NFATC2: variants seen among roughly 807,000 people sequenced by gnomAD.
The protein encoded by NFATC2 is nuclear factor of activated T-cells, cytoplasmic 2.
A neutral mutation model predicts 87.3 loss-of-function variants in NFATC2; 22 were observed. The ratio of observed to expected loss-of-function variants is 0.25; its 90% CI spans 0.18 to 0.36. The LOEUF is 0.36. Among genes scored for constraint, NFATC2 ranks in the 10% least tolerant of loss-of-function variants. The pLI is 1.00. For synonymous variants in NFATC2, 565 were observed against 542.2 expected (o/e 1.04, Z -0.58); for missense variants, 1,149 against 1,259.1 (o/e 0.91, Z 1.32).
At position 51,395,103 on chromosome 20, in the gene NFATC2, TTC is replaced by T. The variant is rs545862037; in HGVS notation, c.*44+3538_*44+3539del. The stretch of plus-strand genomic sequence containing the variant: ...CTGATCTGTTACTTGTTTGGAGTCT[TTC>T]TCTCTATGAAAGAATACGAGCCATT... On this transcript the variant is annotated intron_variant, in intron 10 of 10. Transcript: ENST00000371564. Among the ~76,000 whole-genome samples, 80 of 152,334 alleles carry T rather than the reference TTC, an allele frequency of 5.3e-4. 1 individual carries two copies. The highest frequency in any genetic ancestry group is 1.1e-3 in the Admixed American group (17 of 15,304).
intron 9 of NFATC2, among the ~76,000 whole-genome samples, chr20:51,413,782 T>A (rs1376790570): frequency 6.6e-6 from 1 of 152,148 alleles, no homozygotes; most frequent in African/African-American, 2.4e-5. Context: ...ATAAAAATTT[T>A]AAAATTAAAA....
chr20:51,435,144 T>A, intron 8 of NFATC2, 44 bp downstream of exon 8: 3 of 1,610,320 alleles, frequency 1.9e-6, no homozygotes, highest in Non-Finnish European at 2.5e-6. Context: ...CCTGTGCCTG[T>A]ACTGCCTCTC....
chr20:51,423,732 C>T (rs1981327392), intron 9 of NFATC2, among the ~76,000 whole-genome samples: 1 of 152,200 alleles, frequency 6.6e-6, no homozygotes, highest in African/African-American at 2.4e-5. Context: ...CTGGATGCTG[C>T]CTCTCACTTG....
At chr20:51,431,619 C>G (rs182135560) in intron 9 of NFATC2, among the ~76,000 whole-genome samples, 2 of 152,272 alleles carry the variant, frequency 1.3e-5, no homozygotes, top group Admixed American at 6.5e-5. Context: ...TCCTTTTCCT[C>G]CCTCTCCCTC....
At chr20:51,494,362 G>C (rs940299740) in intron 3 of NFATC2, among the ~76,000 whole-genome samples, 3 of 152,018 alleles carry the variant, frequency 2.0e-5, no homozygotes, top group Admixed American at 1.3e-4. Flanking sequence ...TGCTACACCT[G>C]CTCCTCCTAT....
intron 1 of NFATC2, among the ~76,000 whole-genome samples, chr20:51,527,972 C>T (rs1292304282): frequency 6.6e-6 from 1 of 151,292 alleles, no homozygotes; most frequent in Non-Finnish European, 1.5e-5. Flanking sequence ...GGCATGGTGG[C>T]ACCTACCTGT....
At chr20:51,394,358 G>A (rs934588460) in intron 10 of NFATC2, among the ~76,000 whole-genome samples, 2 of 152,032 alleles carry the variant, frequency 1.3e-5, no homozygotes, top group African/African-American at 4.8e-5. Context: ...CTTTCACCAT[G>A]CCATTTCTCC....
At chr20:51,548,702 C>T (rs866790536) in intron 1 of NFATC2, among the ~76,000 whole-genome samples, 3 of 152,130 alleles carry the variant, frequency 2.0e-5, no homozygotes, top group African/African-American at 4.8e-5. Flanking sequence ...AGACTGGTAC[C>T]CAGTACATGG....
At chr20:51,413,384 G>T (rs1177059726) in intron 9 of NFATC2, among the ~76,000 whole-genome samples, 1 of 152,068 alleles carries the variant, frequency 6.6e-6, no homozygotes, top group Non-Finnish European at 1.5e-5. Context: ...TTTATTCACT[G>T]GCAAATCTTG....
intron 9 of NFATC2, among the ~76,000 whole-genome samples, chr20:51,414,424 C>A (rs1979734386): frequency 6.6e-6 from 1 of 152,170 alleles, no homozygotes; most frequent in Admixed American, 6.5e-5. Flanking sequence ...CATGGTGGCT[C>A]ACGCCTGTAA....
At chr20:51,469,512 C>T (rs534423741) in intron 5 of NFATC2, among the ~76,000 whole-genome samples, 60 of 152,204 alleles carry the variant, frequency 3.9e-4, no homozygotes, top group African/African-American at 1.3e-3. Flanking sequence ...ACACATAGTA[C>T]CCCCTACCCG....
intron 5 of NFATC2, among the ~76,000 whole-genome samples, chr20:51,466,178 G>A (rs191910864): frequency 1.3e-5 from 2 of 152,284 alleles, no homozygotes; most frequent in Admixed American, 1.3e-4. Context: ...TCAGCCTCCA[G>A]AGTAGCTGGG....
intron 6 of NFATC2, among the ~76,000 whole-genome samples, chr20:51,439,676 C>T (rs1178357409): frequency 6.6e-6 from 1 of 152,208 alleles, no homozygotes; most frequent in African/African-American, 2.4e-5. Flanking sequence ...CTGACTGGAA[C>T]CCTGAGCCTT....
chr20:51,508,302 T>TC (rs2076217472), intron 3 of NFATC2, among the ~76,000 whole-genome samples: 1 of 151,812 alleles, frequency 6.6e-6, no homozygotes, highest in Non-Finnish European at 1.5e-5. Flanking sequence ...TGGCGCACCC[T>TC]CCCCCTCTCT....
chr20:51,544,373 C>T (rs1187556416), upstream of NFATC2, among the ~76,000 whole-genome samples: 1 of 152,110 alleles, frequency 6.6e-6, no homozygotes, highest in Non-Finnish European at 1.5e-5. Context: ...TTAAGATCCT[C>T]GTGAGAACCA....
At chr20:51,471,035 T>C (rs1480681972) in intron 5 of NFATC2, among the ~76,000 whole-genome samples, 1 of 152,200 alleles carries the variant, frequency 6.6e-6, no homozygotes, top group African/African-American at 2.4e-5. Context: ...TCAGTTTCCT[T>C]CTCTGTCAAA....
chr20:51,442,411 G>A (rs560896378), intron 6 of NFATC2, among the ~76,000 whole-genome samples: 43 of 152,210 alleles, frequency 2.8e-4, no homozygotes, highest in East Asian at 5.8e-4. Context: ...CAGCCTGGGC[G>A]ACAAAGTGAG....
At chr20:51,393,240 C>T (rs1213321582) in intron 10 of NFATC2, among the ~76,000 whole-genome samples, 15 of 133,808 alleles carry the variant, frequency 1.1e-4, no homozygotes, top group Non-Finnish European at 1.6e-5. Flanking sequence ...CACTTCCTTG[C>T]TTGGTGAACC....
rs2146190997 is a variant in NFATC2 at position 51,390,079 on chromosome 20, G to C, written c.*1417C>G. On this transcript the variant is annotated 3_prime_UTR_variant, in exon 11 of 11. Transcript: ENST00000371564. ...AAATCACAAAAATCACACCCACAGA[G>C]GAAGACTAGGGGAGACTGGGTGCGC... 9.6e-6 allele frequency: 1 copy of C among 103,642 alleles called. No individual in the cohort carries two copies. Among genetic ancestry groups the C allele is most frequent in the Middle Eastern group, 4.1e-3 (1 of 242 alleles). The allele number at this position is 103,642 out of a possible 1,614,324, so 6.4% of individuals were successfully genotyped here. A position where few individuals can be genotyped will look rare whatever the true frequency, so the allele number is the denominator to read the frequency against.
Sources: allele counts gnomAD v4.1 joint callset (sites outside exome capture counted in the v4.1 genomes callset), GRCh38; gene constraint gnomAD v4.1.1; transcripts MANE v1.5; gene names NCBI Gene and HGNC (gene_info 2026-07-23, HGNC 2026-07-21).